The following NAA35 variants were observed in gnomAD, a reference collection of about 807,000 sequenced individuals.
The protein encoded by NAA35 is N-alpha-acetyltransferase 35, NatC auxiliary subunit.
In NAA35, 18 loss-of-function variants were observed where a neutral mutation model predicts 101.7. The observed-to-expected ratio is 0.18, with a 90% CI of 0.12 to 0.26. The LOEUF (loss-of-function observed/expected upper bound fraction) is 0.26, where lower values mean the gene tolerates loss of function less well. NAA35 is among the 10% of genes least tolerant of loss of function. The pLI is 1.00. For missense variants in NAA35, 601 were observed against 886.8 expected (o/e 0.68, Z 4.09); for synonymous variants, 267 against 273.1 (o/e 0.98, Z 0.22).
chr9:85,966,910 C>T (rs142979657), intron 6 of NAA35, among the ~76,000 whole-genome samples: 1 of 152,182 alleles, frequency 6.6e-6, no homozygotes, highest in East Asian at 1.9e-4. Context: ...AGTTCGAGAC[C>T]AGCCTGGCCA....
intron 17 of NAA35, 50 bp downstream of exon 17, chr9:86,013,947 T>C: frequency 1.5e-6 from 2 of 1,332,032 alleles, no homozygotes; most frequent in Non-Finnish European, 1.0e-6. Context: ...ATGGATAAGA[T>C]CTGAGAATTC....
In NAA35 at chr9:85,944,217, A is replaced by G. The variant is rs75460511; in HGVS notation, c.124+1934A>G. ...TTGGAGTTTAATTAATCTGAATCTT[A>G]GTTTTCTACTCTGGAAAACAGAGCT... On this transcript the variant is annotated intron_variant, in intron 2 of 22. Coordinates refer to ENST00000361671, the MANE Select transcript of NAA35 (RefSeq NM_024635.4). 1.2e-4 allele frequency among the ~76,000 whole-genome samples: 19 copies of G among 152,310 alleles called. No homozygotes were observed. The East Asian group carries it at 3.7e-3, about 29-fold the overall frequency.
intron 16 of NAA35, 63 bp from the exon 17 acceptor site, chr9:86,013,656 A>C: frequency 5.5e-6 from 8 of 1,455,096 alleles, no homozygotes; most frequent in Non-Finnish European, 7.5e-6. Flanking sequence ...ACGTTTTTTT[A>C]AAGTTCTGTC....
Position 85,975,048 on chromosome 9 carries a change from A to G in NAA35, c.583+15A>G. ...TCGAGTTACAGGTAAAATTATTTTT[A>G]AAGTTAATTCACAAGTTTTACATTT... On this transcript the variant is annotated intron_variant, in intron 7 of 22. Transcript: ENST00000361671. The G allele has an allele frequency of 6.2e-7, 1 of 1,612,112 alleles. No homozygotes were observed. The highest frequency in any genetic ancestry group is 8.5e-7 in the Non-Finnish European group (1 of 1,178,510).
intron 21 of NAA35, 59 bp downstream of exon 21, chr9:86,018,880 C>T (rs1345769112): frequency 1.9e-6 from 3 of 1,579,104 alleles, no homozygotes; most frequent in African/African-American, 2.7e-5. Flanking sequence ...ACATCTCTTA[C>T]TGCTGGATGA....
At chr9:85,995,208 A>G (rs1202392883) in intron 11 of NAA35, among the ~76,000 whole-genome samples, 1 of 151,774 alleles carries the variant, frequency 6.6e-6, no homozygotes, top group Non-Finnish European at 1.5e-5. Flanking sequence ...GTTGAAGGGA[A>G]GATAATCTTA....
At chr9:85,962,518 A>G (rs539845172) in intron 6 of NAA35, among the ~76,000 whole-genome samples, 2 of 148,650 alleles carry the variant, frequency 1.3e-5, no homozygotes, top group East Asian at 2.0e-4. Context: ...AAGAAAGAAA[A>G]AAGAATTTCT....
intron 6 of NAA35, among the ~76,000 whole-genome samples, chr9:85,973,093 A>G (rs977267020): frequency 3.9e-5 from 6 of 152,220 alleles, no homozygotes; most frequent in Non-Finnish European, 7.3e-5. Flanking sequence ...AACCTTGTAA[A>G]TATTTTGAAG....
intron 2 of NAA35, among the ~76,000 whole-genome samples, chr9:85,942,844 T>G (rs1435038232): frequency 6.6e-6 from 1 of 152,230 alleles, no homozygotes; most frequent in Non-Finnish European, 1.5e-5. Flanking sequence ...TTTGTTTTCT[T>G]TCTTTTAAAT....
At chr9:85,971,789 C>G (rs1385968648) in intron 6 of NAA35, among the ~76,000 whole-genome samples, 2 of 152,046 alleles carry the variant, frequency 1.3e-5, no homozygotes, top group Non-Finnish European at 2.9e-5. Flanking sequence ...TATCCACATT[C>G]AGTTCATCAG....
chr9:85,981,718 C>G (rs1041796202), intron 11 of NAA35, among the ~76,000 whole-genome samples: 8 of 152,174 alleles, frequency 5.3e-5, no homozygotes, highest in African/African-American at 1.9e-4. Flanking sequence ...TCACCCTGTG[C>G]TTGTATGGGT....
At chr9:85,956,307 ATTAAAAG>A (rs1829271749) in intron 2 of NAA35, 46 bp from the exon 3 acceptor site, 2 of 1,116,802 alleles carry the variant, frequency 1.8e-6, no homozygotes, top group African/African-American at 3.2e-5. Flanking sequence ...TTTTCTTAGA[ATTAAAAG>A]TTAAATATAA....
At chr9:85,974,472 C>T (rs532318130) in intron 6 of NAA35, among the ~76,000 whole-genome samples, 3 of 152,150 alleles carry the variant, frequency 2.0e-5, no homozygotes, top group South Asian at 4.1e-4. Flanking sequence ...AGTTTTTTTC[C>T]TTCCAATGGA....
At chr9:85,947,828 C>T (rs1054457495) in intron 2 of NAA35, among the ~76,000 whole-genome samples, 2 of 152,182 alleles carry the variant, frequency 1.3e-5, no homozygotes, top group Admixed American at 1.3e-4. Context: ...ACCCTGAATT[C>T]TTCAGGAAAG....
In NAA35 at chr9:86,025,082, CAG is replaced by C. The variant is rs1216399400; in HGVS notation, c.*3123_*3124del. Among the ~76,000 whole-genome samples, 1 of 152,174 alleles carries C rather than the reference CAG, an allele frequency of 6.6e-6. No individual in the cohort carries two copies. The highest frequency in any genetic ancestry group is 6.5e-5 in the Admixed American group (1 of 15,286). On this transcript the variant is annotated 3_prime_UTR_variant, in exon 23 of 23. Transcript: ENST00000361671. Reference sequence around the variant, plus strand: ...GTTTTGTTTGCACAAGACTCTAAGACAGTATACTGCCTTAAATAAAGTGCACC... The same window carrying C: ...GTTTTGTTTGCACAAGACTCTAAGACTATACTGCCTTAAATAAAGTGCACC...
intron 18 of NAA35, among the ~76,000 whole-genome samples, chr9:86,016,896 A>G (rs553125582): frequency 1.8e-4 from 28 of 152,184 alleles, no homozygotes; most frequent in South Asian, 8.3e-4. Context: ...AGAATCTTTG[A>G]TCAAGAAGTA....
intron 8 of NAA35, among the ~76,000 whole-genome samples, chr9:85,975,494 C>T (rs1054686305): frequency 6.6e-6 from 1 of 152,028 alleles, no homozygotes; most frequent in Non-Finnish European, 1.5e-5. Context: ...TTGCATATAA[C>T]CTGTTCATGT....
chr9:85,983,352 A>G (rs1276902516), intron 11 of NAA35, among the ~76,000 whole-genome samples: 1 of 152,218 alleles, frequency 6.6e-6, no homozygotes, highest in Admixed American at 6.5e-5. Flanking sequence ...TGAAAAGTCC[A>G]AGAGATGGGG....
chr9:85,966,283 A>G (rs553795973), intron 6 of NAA35, among the ~76,000 whole-genome samples: 3 of 152,182 alleles, frequency 2.0e-5, no homozygotes, highest in Non-Finnish European at 4.4e-5. Flanking sequence ...AGGTCTTACT[A>G]GGAAATGGGA....
Sources: gnomAD v4.1 joint callset for allele counts (sites outside exome capture counted in the v4.1 genomes callset) on GRCh38, gnomAD v4.1.1 for gene constraint, MANE v1.5 for transcripts, NCBI Gene and HGNC (gene_info 2026-07-23, HGNC 2026-07-21) for gene names.